The following WWOX variants were observed in gnomAD, a reference collection of about 807,000 sequenced individuals.
The protein encoded by WWOX is WW domain-containing oxidoreductase.
WWOX carries 69 observed loss-of-function variants against 46.2 expected under a neutral mutation model. The observed-to-expected ratio is 1.49, with a 90% CI of 1.23 to 1.82. The LOEUF (loss-of-function observed/expected upper bound fraction) is 1.82. Among genes scored for constraint, WWOX ranks in the 40% most tolerant of loss-of-function variants. The pLI is 0.00. For missense variants in WWOX, 919 were observed against 542.6 expected, an observed-to-expected ratio of 1.69 and a Z score of -6.89; for synonymous variants, 359 against 202.6, an observed-to-expected ratio of 1.77 and a Z score of -6.56.
At chr16:78,646,367 C>CCCTCCAT (rs1458671085) in intron 8 of WWOX, among the ~76,000 whole-genome samples, 89 of 152,208 alleles carry the variant, frequency 5.8e-4, no homozygotes, top group African/African-American at 2.1e-3. Flanking sequence ...AAAGTAAGGT[C>CCCTCCAT]CCTCCATCCT....
At chr16:78,255,877 C>A (rs994202102) in intron 5 of WWOX, among the ~76,000 whole-genome samples, 1 of 152,112 alleles carries the variant, frequency 6.6e-6, no homozygotes, top group Non-Finnish European at 1.5e-5. Context: ...GGCACAGTGG[C>A]TCGCGCCTGT....
chr16:78,932,428 G>T (rs12928676), intron 8 of WWOX, among the ~76,000 whole-genome samples: 1 of 152,046 alleles, frequency 6.6e-6, no homozygotes, highest in Non-Finnish European at 1.5e-5. Context: ...CTGCGTCAGA[G>T]AGTTCTTTTT....
rs141654595 is a variant in WWOX, at chr16:78,650,367, G to A, written c.1056+217615G>A. 1.1e-4 allele frequency among the ~76,000 whole-genome samples: 16 copies of A among 152,182 alleles called. No individual in the cohort carries two copies. The East Asian group carries it at 2.9e-3, about 28-fold the overall frequency. On this transcript the variant is annotated intron_variant, in intron 8 of 8. Coordinates refer to ENST00000566780, the MANE Select transcript of WWOX (RefSeq NM_016373.4). ...ATTTCTCTCTTAAATTCCATAAGCT[G>A]GAGACACTGCCCCTGTTTCAAATGA...
intron 5 of WWOX, among the ~76,000 whole-genome samples, chr16:78,240,679 G>A (rs558663653): frequency 2.6e-5 from 4 of 152,046 alleles, no homozygotes; most frequent in Admixed American, 2.0e-4. Context: ...TCCTGTGTTC[G>A]CAACTGTCAT....
chr16:79,092,370 C>T (rs1055955399), intron 8 of WWOX, among the ~76,000 whole-genome samples: 2 of 152,172 alleles, frequency 1.3e-5, no homozygotes, highest in Non-Finnish European at 2.9e-5. Flanking sequence ...AGCCGCCTAG[C>T]CTGTGGTCTT....
At chr16:79,128,151 G>A (rs181069346) in intron 8 of WWOX, among the ~76,000 whole-genome samples, 7 of 152,192 alleles carry the variant, frequency 4.6e-5, no homozygotes, top group South Asian at 2.1e-4. Flanking sequence ...TTAAGAAGAA[G>A]ACAATGGCTG....
At chr16:79,073,201 C>T (rs1399169549) in intron 8 of WWOX, among the ~76,000 whole-genome samples, 2 of 143,430 alleles carry the variant, frequency 1.4e-5, no homozygotes, top group African/African-American at 5.1e-5. Context: ...TACTGAGACA[C>T]CGTTTTACTC....
intron 8 of WWOX, among the ~76,000 whole-genome samples, chr16:78,747,705 T>C (rs2049381196): frequency 1.3e-5 from 2 of 152,208 alleles, no homozygotes; most frequent in South Asian, 4.1e-4. Context: ...CCTCGATTAC[T>C]GTCTGCCTCT....
chr16:78,315,904 C>A (rs759778287), intron 5 of WWOX, among the ~76,000 whole-genome samples: 5 of 152,090 alleles, frequency 3.3e-5, no homozygotes, highest in Non-Finnish European at 7.4e-5. Context: ...CTACTCTCCT[C>A]GTGTTGAATA....
At chr16:78,196,803 A>G (rs1452158033) in intron 5 of WWOX, among the ~76,000 whole-genome samples, 1 of 152,212 alleles carries the variant, frequency 6.6e-6, no homozygotes, top group Admixed American at 6.5e-5. Context: ...CAGGTAGCAA[A>G]GTTTCTGCTA....
chr16:79,008,387 C>T (rs971448299), intron 8 of WWOX, among the ~76,000 whole-genome samples: 1 of 152,292 alleles, frequency 6.6e-6, no homozygotes, highest in East Asian at 1.9e-4. Flanking sequence ...AAACCAACTG[C>T]GTTCAGGCCT....
At position 79,017,016 on chromosome 16, in the gene WWOX, C is replaced by G. The variant is rs2047427791; in HGVS notation, c.1057-194592C>G. On this transcript the variant is annotated intron_variant, in intron 8 of 8. Coordinates refer to ENST00000566780, the MANE Select transcript of WWOX (RefSeq NM_016373.4). ...CCCCTGCCCTAGATGGTATCACCTTCAAAGCTTAATTAGGAAGAATAATAT... is the reference window on the plus strand; with the variant it reads ...CCCCTGCCCTAGATGGTATCACCTTGAAAGCTTAATTAGGAAGAATAATAT... 4 of 152,110 alleles carry G rather than the reference C, an allele frequency of 2.6e-5. No individual in the cohort carries two copies. In the South Asian group the frequency reaches 6.2e-4, roughly 24 times the overall value. The allele number at this position is 152,110 out of a possible 1,614,324, so 9.4% of individuals were successfully genotyped here.
chr16:78,753,591 G>A (rs2049542430), intron 8 of WWOX, among the ~76,000 whole-genome samples: 1 of 151,658 alleles, frequency 6.6e-6, no homozygotes, highest in African/African-American at 2.4e-5. Context: ...CTTGAGCCCA[G>A]GAGTTTGCGA....
chr16:79,195,784 C>G (rs957072956), intron 8 of WWOX, among the ~76,000 whole-genome samples: 1 of 152,158 alleles, frequency 6.6e-6, no homozygotes, highest in Non-Finnish European at 1.5e-5. Flanking sequence ...TACATAGAAT[C>G]CTAGCACAAG....
At chr16:78,949,655 T>TC (rs1199558512) in intron 8 of WWOX, among the ~76,000 whole-genome samples, 2 of 152,228 alleles carry the variant, frequency 1.3e-5, no homozygotes, top group African/African-American at 4.8e-5. Flanking sequence ...TCGTGTTAAC[T>TC]CCATCTGGAC....
chr16:79,075,529 G>A (rs1333147749), intron 8 of WWOX, among the ~76,000 whole-genome samples: 1 of 146,390 alleles, frequency 6.8e-6, no homozygotes. Flanking sequence ...AACCTCTGGC[G>A]ATTTTTCCTT....
chr16:79,191,494 G>C (rs2051136058), intron 8 of WWOX, among the ~76,000 whole-genome samples: 1 of 152,088 alleles, frequency 6.6e-6, no homozygotes, highest in Admixed American at 6.6e-5. Context: ...ACTGCACAAA[G>C]AATGGGCTGT....
chr16:78,575,561 G>A (rs191024807), intron 8 of WWOX, among the ~76,000 whole-genome samples: 1 of 152,002 alleles, frequency 6.6e-6, no homozygotes, highest in East Asian at 1.9e-4. Flanking sequence ...TTTGGACTGG[G>A]GCATTGGATC....
At chr16:79,137,873 C>G (rs2050013352) in intron 8 of WWOX, among the ~76,000 whole-genome samples, 2 of 151,630 alleles carry the variant, frequency 1.3e-5, no homozygotes, top group South Asian at 4.2e-4. Flanking sequence ...TCCACAAACA[C>G]AAGACCAAAG....
Sources: allele counts gnomAD v4.1 joint callset (sites outside exome capture counted in the v4.1 genomes callset), GRCh38; gene constraint gnomAD v4.1.1; transcripts MANE v1.5; gene names NCBI Gene and HGNC (gene_info 2026-07-23, HGNC 2026-07-21).